The following FNDC3B variants were observed in gnomAD, a reference collection of about 807,000 sequenced individuals.
FNDC3B encodes the protein fibronectin type III domain-containing protein 3B.
FNDC3B carries 12 observed loss-of-function variants against 151.5 expected under a neutral mutation model. The ratio of observed to expected loss-of-function variants is 0.08; its 90% CI spans 0.05 to 0.13. The LOEUF is 0.13. Ranked by LOEUF, FNDC3B falls within the 10% of genes least tolerant of loss-of-function variation. FNDC3B has a pLI of 1.00. For missense variants in FNDC3B, 1,214 were observed against 1,505.3 expected (o/e 0.81, Z 3.20); for synonymous variants, 528 against 549.0 (o/e 0.96, Z 0.54).
intron 22 of FNDC3B, among the ~76,000 whole-genome samples, chr3:172,360,017 T>TA (rs1193162964): frequency 6.6e-6 from 1 of 152,180 alleles, no homozygotes; most frequent in African/African-American, 2.4e-5. Flanking sequence ...AGTAAATAAA[T>TA]ACCTGGGATT....
intron 1 of FNDC3B, among the ~76,000 whole-genome samples, chr3:172,093,917 T>C (rs899632132): frequency 6.6e-6 from 1 of 152,244 alleles, no homozygotes; most frequent in East Asian, 1.9e-4. Flanking sequence ...TATTGAGATA[T>C]ATTTCACATG....
chr3:172,271,531 A>G (rs1370666773), intron 6 of FNDC3B, among the ~76,000 whole-genome samples: 1 of 152,206 alleles, frequency 6.6e-6, no homozygotes, highest in Non-Finnish European at 1.5e-5. Flanking sequence ...TATTCTGATG[A>G]AAAAGAAGAT....
chr3:172,095,507 A>G lies in FNDC3B; in HGVS notation c.-28-16945A>G, dbSNP rs1576857900. On this transcript the variant is annotated intron_variant, in intron 1 of 25. Coordinates refer to ENST00000415807, the MANE Select transcript of FNDC3B (RefSeq NM_022763.4). Reference sequence around the variant, plus strand: ...GAGAGATTGTCGCAGCCAGTGACCCATATCGGGTACTCATAGAGAGGGGTT... The same window carrying G: ...GAGAGATTGTCGCAGCCAGTGACCCGTATCGGGTACTCATAGAGAGGGGTT... Among the ~76,000 whole-genome samples, 3 of 152,342 alleles carry G rather than the reference A, an allele frequency of 2.0e-5. No individual in the cohort carries two copies. The East Asian group carries it at 5.8e-4, about 29-fold the overall frequency.
intron 6 of FNDC3B, among the ~76,000 whole-genome samples, chr3:172,268,521 G>A (rs1729031214): frequency 2.6e-5 from 4 of 152,118 alleles, no homozygotes; most frequent in African/African-American, 9.7e-5. Flanking sequence ...GACAGAGAAC[G>A]GCAGATACAA....
At chr3:172,141,790 G>T (rs1721641838) in intron 3 of FNDC3B, among the ~76,000 whole-genome samples, 1 of 152,190 alleles carries the variant, frequency 6.6e-6, no homozygotes, top group East Asian at 1.9e-4. Flanking sequence ...GATGGAGGTT[G>T]CAGTGAGCTG....
chr3:172,137,704 C>T (rs1448946904), intron 3 of FNDC3B, among the ~76,000 whole-genome samples: 1 of 152,076 alleles, frequency 6.6e-6, no homozygotes, highest in East Asian at 1.9e-4. Flanking sequence ...GAAGAAAACA[C>T]AGGAAGCATA....
At chr3:172,120,793 G>A (rs1251793349) in intron 2 of FNDC3B, among the ~76,000 whole-genome samples, 5 of 152,046 alleles carry the variant, frequency 3.3e-5, no homozygotes, top group African/African-American at 1.2e-4. Context: ...TGACCAACAC[G>A]GTGAAACCCC....
intron 3 of FNDC3B, among the ~76,000 whole-genome samples, chr3:172,181,827 CAAAAAAAAA>C (rs747723219): frequency 4.9e-5 from 3 of 61,572 alleles, no homozygotes; most frequent in Admixed American, 4.6e-4. Flanking sequence ...GACTCCATCT[CAAAAAAAAA>C]AAAAAAAAAA....
At chr3:172,268,266 A>G (rs1729020603) in intron 6 of FNDC3B, among the ~76,000 whole-genome samples, 1 of 152,240 alleles carries the variant, frequency 6.6e-6, no homozygotes, top group African/African-American at 2.4e-5. Context: ...TCAGTGCATC[A>G]TTAGTTAAAT....
intron 3 of FNDC3B, among the ~76,000 whole-genome samples, chr3:172,151,218 G>A (rs189673405): frequency 6.6e-6 from 1 of 152,320 alleles, no homozygotes; most frequent in Admixed American, 6.5e-5. Flanking sequence ...CTCTGTATGT[G>A]TGAGTGTATA....
chr3:172,381,752 A>G (rs1347160983), intron 25 of FNDC3B, among the ~76,000 whole-genome samples: 1 of 152,186 alleles, frequency 6.6e-6, no homozygotes, highest in Non-Finnish European at 1.5e-5. Flanking sequence ...CAGTTTGCCA[A>G]GAATGATGGT....
chr3:172,336,496 G>A (rs1732974269), intron 15 of FNDC3B, among the ~76,000 whole-genome samples: 1 of 152,188 alleles, frequency 6.6e-6, no homozygotes, highest in Non-Finnish European at 1.5e-5. Flanking sequence ...ATGCTGGGAT[G>A]TAAAGTTTGC....
chr3:172,247,628 C>A lies in FNDC3B; in HGVS notation c.360C>A (p.Thr120=). The change falls in exon 5 of 26, where the codon ACC becomes ACA. Residue 120 remains threonine, a synonymous_variant. Transcript: ENST00000415807. The stretch of plus-strand genomic sequence containing the variant: ...GCTACCCCTCAGCCATGTCTCCAAC[C>A]CATCATCTCCCTCCCTATCTGACTC... The part of the protein sequence containing the change: ...PPSYPSAMSP[T]HHLPPYLTHH... The A allele has an allele frequency of 1.2e-6, 2 of 1,614,168 alleles. No individual in the cohort carries two copies. Among genetic ancestry groups the A allele is most frequent in the South Asian group, 2.2e-5 (2 of 91,088 alleles).
chr3:172,237,907 T>C (rs1313177156), intron 4 of FNDC3B, among the ~76,000 whole-genome samples: 1 of 152,220 alleles, frequency 6.6e-6, no homozygotes. Context: ...AAAGGGCTTT[T>C]AGAAACATCA....
At chr3:172,342,927 A>G in intron 17 of FNDC3B, 84 bp from the exon 18 acceptor site, 1 of 792,376 alleles carries the variant, frequency 1.3e-6, no homozygotes, top group African/African-American at 1.7e-5. Context: ...ATTTGCAGTT[A>G]TGGGGTGGAA....
chr3:172,134,451 AG>A (rs1411457546), intron 3 of FNDC3B: 8 of 506,266 alleles, frequency 1.6e-5, no homozygotes, highest in Non-Finnish European at 2.8e-5. Flanking sequence ...GATCAGTATT[AG>A]GTTATTAATT....
intron 4 of FNDC3B, among the ~76,000 whole-genome samples, chr3:172,235,740 C>T (rs552066468): frequency 2.6e-5 from 4 of 152,312 alleles, no homozygotes; most frequent in African/African-American, 9.6e-5. Flanking sequence ...GGCTGTCTCA[C>T]AGGTGTGAAA....
Position 172,098,722 on chromosome 3 carries a change from C to T in FNDC3B, c.-28-13730C>T, listed in dbSNP as rs1559964774. The stretch of plus-strand genomic sequence containing the variant: ...ATGAAATGGAATTGTTGAGTTTCCC[C>T]TTCACCTTGGGAAGAACTCGGGGGA... On this transcript the variant is annotated intron_variant, in intron 1 of 25. Transcript: ENST00000415807. 2.0e-5 allele frequency among the ~76,000 whole-genome samples: 3 copies of T among 152,138 alleles called. No individual in the cohort carries two copies. The South Asian group carries it at 6.2e-4, about 31-fold the overall frequency.
rs541171976 is a variant in FNDC3B at position 172,315,999 on chromosome 3, T to C, written c.1254+5118T>C. 8.7e-3 allele frequency among the ~76,000 whole-genome samples: 1,161 copies of C among 133,872 alleles called. 19 individuals carry two copies. The highest frequency in any genetic ancestry group is 0.032 in the African/African-American group (1,096 of 34,686). 87.8% of individuals were successfully genotyped at this position (133,872 alleles called of 152,430 possible). ...TTCTCTTTTCCTTCTTCTTTCTTCT[T>C]CTTTTTTTTTTTTTTTTTTTTTTTT... On this transcript the variant is annotated intron_variant, in intron 11 of 25. Coordinates refer to ENST00000415807, the MANE Select transcript of FNDC3B (RefSeq NM_022763.4).
Sources: gnomAD v4.1 joint callset for allele counts (sites outside exome capture counted in the v4.1 genomes callset) on GRCh38, gnomAD v4.1.1 for gene constraint, MANE v1.5 for transcripts, NCBI Gene and HGNC (gene_info 2026-07-23, HGNC 2026-07-21) for gene names.